The following LANCL1 variants were observed in gnomAD, a reference collection of about 807,000 sequenced individuals.
LANCL1 encodes glutathione S-transferase LANCL1.
Under a neutral mutation model 50.6 loss-of-function variants are expected in LANCL1, and 50 were observed. The observed-to-expected ratio is 0.99, with a 90% CI of 0.79 to 1.25. The LOEUF is 1.25. Among genes scored for constraint, LANCL1 ranks in the 50% most tolerant of loss-of-function variants. The pLI, the probability that LANCL1 is intolerant of heterozygous loss-of-function variation, is 0.00. For synonymous variants in LANCL1, 188 were observed against 178.6 expected (o/e 1.05, Z -0.42); for missense variants, 532 against 480.7 (o/e 1.11, Z -1.00).
At chr2:210,464,295 T>G (rs1693968109) in intron 3 of LANCL1, among the ~76,000 whole-genome samples, 1 of 152,226 alleles carries the variant, frequency 6.6e-6, no homozygotes, top group African/African-American at 2.4e-5. Context: ...ACTAAGCATG[T>G]TTAACACTCA....
chr2:210,472,564 G>C (rs1356538750), intron 2 of LANCL1, among the ~76,000 whole-genome samples: 1 of 152,124 alleles, frequency 6.6e-6, no homozygotes, highest in African/African-American at 2.4e-5. Flanking sequence ...ACAAATTCAT[G>C]TATATCAAGA....
chr2:210,435,707 AT>A (rs1559704458), intron 8 of LANCL1, among the ~76,000 whole-genome samples: 1 of 151,916 alleles, frequency 6.6e-6, no homozygotes, highest in African/African-American at 2.4e-5. Context: ...CTACATCTTT[AT>A]TTTTTTCTCC....
chr2:210,458,398 A>C (rs762348521), intron 3 of LANCL1, among the ~76,000 whole-genome samples: 1 of 152,150 alleles, frequency 6.6e-6, no homozygotes, highest in Non-Finnish European at 1.5e-5. Flanking sequence ...TTTGAAATGC[A>C]CCCATTTTAA....
chr2:210,452,301 C>A (rs1693534205), intron 4 of LANCL1, among the ~76,000 whole-genome samples: 1 of 151,618 alleles, frequency 6.6e-6, no homozygotes, highest in Non-Finnish European at 1.5e-5. Flanking sequence ...TATTTCTGGA[C>A]CAGAAAGCCA....
chr2:210,435,428 T>C lies in LANCL1; in HGVS notation c.1082A>G (p.His361Arg), dbSNP rs1264514308. ...AGGGGTGTCTGGTGTTCTGCATCCA[T>C]GTTCTCCATACTCTAAGCACCATTC... is the stretch of plus-strand genomic sequence containing the variant. Reference protein sequence around the residue: ...FAEWCLEYGEHGCRTPDTPFS... With the variant: ...FAEWCLEYGERGCRTPDTPFS... The change falls in exon 9 of 10, where the codon CAT becomes CGT. Residue 361 changes from histidine (H) to arginine (R), a missense_variant. His to Arg is a conservative substitution (Grantham distance 29). Coordinates refer to ENST00000450366, the MANE Select transcript of LANCL1 (RefSeq NM_006055.3). 7 of 1,613,600 alleles carry C rather than the reference T, an allele frequency of 4.3e-6. No homozygotes were observed. Among genetic ancestry groups the C allele is most frequent in the Non-Finnish European group, 5.9e-6 (7 of 1,179,698 alleles).
chr2:210,437,649 TG>T (rs1418441614), intron 7 of LANCL1, 40 bp downstream of exon 7: 2 of 1,256,616 alleles, frequency 1.6e-6, no homozygotes, highest in Non-Finnish European at 2.1e-6. Flanking sequence ...TATAAATTTT[TG>T]GTTATTTAAA....
At position 210,434,561 on chromosome 2, in the gene LANCL1, T is replaced by C; in HGVS notation, c.1126A>G (p.Met376Val). The stretch of plus-strand genomic sequence containing the variant: ...GCCAGGAAATATATTGTTCCAGCCA[T>C]TCCTGAAGAAAGAGAAAGAGGCAAA... ...PDTPFSLFEG[M>V]AGTIYFLADL... is the part of the protein sequence containing the mutation. The change falls in exon 10 of 10, where the codon ATG becomes GTG. Residue 376 changes from methionine to valine, a missense_variant and splice_region_variant. Met to Val is a conservative substitution (Grantham distance 21). Coordinates refer to ENST00000450366, the MANE Select transcript of LANCL1 (RefSeq NM_006055.3). 1.9e-6 allele frequency: 3 copies of C among 1,613,070 alleles called. No homozygotes were observed. The highest frequency in any genetic ancestry group is 2.5e-6 in the Non-Finnish European group (3 of 1,179,428).
At chr2:210,471,828 C>T in intron 3 of LANCL1, 131 bp downstream of exon 3, 2 of 765,340 alleles carry the variant, frequency 2.6e-6, no homozygotes, top group Non-Finnish European at 4.6e-6. Context: ...ACAGCACTCT[C>T]CCAGAAGCAA....
intron 4 of LANCL1, among the ~76,000 whole-genome samples, chr2:210,442,357 T>C (rs765134799): frequency 6.6e-6 from 1 of 152,220 alleles, no homozygotes; most frequent in Non-Finnish European, 1.5e-5. Context: ...AATATACATA[T>C]GTATAAATAT....
Position 210,476,298 on chromosome 2 carries a change from G to C in LANCL1, c.81+18C>G, listed in dbSNP as rs1177056796. The stretch of plus-strand genomic sequence containing the variant: ...GTGGGGAGAGGCAGGGATGCAGGCA[G>C]ACATATCCTAAACTCACCCTCCCGG... On this transcript the variant is annotated intron_variant, in intron 2 of 9. Transcript: ENST00000450366. The C allele has an allele frequency of 5.0e-6, 8 of 1,588,884 alleles. No homozygotes were observed. In the African/African-American group the frequency reaches 9.4e-5, roughly 19 times the overall value.
intron 3 of LANCL1, among the ~76,000 whole-genome samples, chr2:210,463,297 G>C (rs976292588): frequency 6.6e-6 from 1 of 151,814 alleles, no homozygotes; most frequent in Non-Finnish European, 1.5e-5. Flanking sequence ...TGCAACCTCC[G>C]CCTCCTGGAT....
intron 3 of LANCL1, chr2:210,460,637 T>G (rs1693824652): frequency 6.6e-6 from 1 of 152,220 alleles, no homozygotes; most frequent in South Asian, 2.1e-4. Context: ...CAAAATCACA[T>G]TTGTCTTTAG....
chr2:210,477,398 A>C, upstream of LANCL1: 1 of 540,628 alleles, frequency 1.8e-6, no homozygotes, highest in Non-Finnish European at 2.5e-6. Context: ...TCAATGTTTT[A>C]ACAGTCCCTG....
At chr2:210,440,878 C>G in intron 5 of LANCL1, 134 bp from the exon 6 acceptor site, 1 of 742,412 alleles carries the variant, frequency 1.3e-6, no homozygotes, top group Non-Finnish European at 2.2e-6. Context: ...GGGAAAGGCA[C>G]AGTTTAATTC....
intron 4 of LANCL1, among the ~76,000 whole-genome samples, chr2:210,447,779 A>AG (rs1693387893): frequency 6.6e-6 from 1 of 152,230 alleles, no homozygotes; most frequent in Non-Finnish European, 1.5e-5. Context: ...ATAATGGTAA[A>AG]GGGATCAATG....
chr2:210,456,007 T>C (rs1693664377), intron 3 of LANCL1, among the ~76,000 whole-genome samples: 1 of 152,152 alleles, frequency 6.6e-6, no homozygotes, highest in South Asian at 2.1e-4. Context: ...CCTTGGGCTC[T>C]ACTTGATCAG....
chr2:210,437,606 C>T, intron 7 of LANCL1, 84 bp downstream of exon 7: 1 of 752,720 alleles, frequency 1.3e-6, no homozygotes, highest in Non-Finnish European at 2.0e-6. Context: ...ATTTATTGTT[C>T]CTTTATGGAT....
At position 210,433,597 on chromosome 2, in the gene LANCL1, T is replaced by C. The variant is rs1310951409; in HGVS notation, c.*890A>G. On this transcript the variant is annotated 3_prime_UTR_variant, in exon 10 of 10. Coordinates refer to ENST00000450366, the MANE Select transcript of LANCL1 (RefSeq NM_006055.3). ...CACTGTAAAAACCCAAGTTAAAGTT[T>C]AGAAAGTCAGTCAGAGTGGACTGAA... 2 of 152,186 alleles carry C rather than the reference T, an allele frequency of 1.3e-5. No homozygotes were observed. Among genetic ancestry groups the C allele is most frequent in the Non-Finnish European group, 2.9e-5 (2 of 68,028 alleles). The allele number at this position is 152,186 out of a possible 1,614,324, so 9.4% of individuals were successfully genotyped here.
intron 3 of LANCL1, among the ~76,000 whole-genome samples, chr2:210,456,074 C>T (rs994116282): frequency 6.6e-6 from 1 of 152,052 alleles, no homozygotes; most frequent in African/African-American, 2.4e-5. Context: ...TCTGCATGTC[C>T]TTATTTCAAA....
Sources: gnomAD v4.1 joint callset for allele counts (sites outside exome capture counted in the v4.1 genomes callset) on GRCh38, gnomAD v4.1.1 for gene constraint, MANE v1.5 for transcripts, NCBI Gene and HGNC (gene_info 2026-07-23, HGNC 2026-07-21) for gene names.